The following ABCC1 variants were observed in gnomAD, a reference collection of about 807,000 sequenced individuals.
ABCC1 encodes ATP binding cassette subfamily C member 1 (ABCC1 blood group), also known as multidrug resistance-associated protein 1.
ABCC1 carries 83 observed loss-of-function variants against 172.9 expected under a neutral mutation model. The ratio of observed to expected loss-of-function variants is 0.48; its 90% CI spans 0.40 to 0.58. ABCC1 has a LOEUF of 0.58. Among genes scored for constraint, ABCC1 ranks in the 20% least tolerant of loss-of-function variants. ABCC1 has a pLI of 0.00. For synonymous variants in ABCC1, 937 were observed against 825.2 expected (o/e 1.14, Z -2.32); for missense variants, 1,817 against 2,002.7 (o/e 0.91, Z 1.77).
intron 2 of ABCC1, among the ~76,000 whole-genome samples, chr16:16,008,392 G>C (rs888893243): frequency 2.0e-5 from 3 of 151,528 alleles, no homozygotes; most frequent in African/African-American, 7.3e-5. Flanking sequence ...TTTGTAGAGA[G>C]GGGGGACTTG....
intron 16 of ABCC1, among the ~76,000 whole-genome samples, chr16:16,082,685 C>A (rs908320131): frequency 6.6e-6 from 1 of 152,188 alleles, no homozygotes; most frequent in Non-Finnish European, 1.5e-5. Flanking sequence ...GCTCTGTGGT[C>A]CAGGCTGGAG....
At chr16:16,084,127 G>A (rs749647975) in intron 17 of ABCC1, among the ~76,000 whole-genome samples, 8 of 151,880 alleles carry the variant, frequency 5.3e-5, no homozygotes, top group Non-Finnish European at 1.2e-4. Context: ...TTTTGAGATG[G>A]AGTCTTGCTC....
chr16:15,973,820 TAA>T (rs111583444), intron 1 of ABCC1, among the ~76,000 whole-genome samples: 7 of 139,118 alleles, frequency 5.0e-5, no homozygotes, highest in African/African-American at 5.3e-5. Context: ...TACACAAAAT[TAA>T]AAAAAAAAAA....
At chr16:16,139,297 A>C (rs2046037177) in intron 30 of ABCC1, among the ~76,000 whole-genome samples, 1 of 146,314 alleles carries the variant, frequency 6.8e-6, no homozygotes, top group South Asian at 2.5e-4. Flanking sequence ...GGGCCCACAA[A>C]AAGGTTTTAT....
intron 10 of ABCC1, among the ~76,000 whole-genome samples, chr16:16,048,573 C>T (rs967978707): frequency 1.3e-5 from 2 of 152,154 alleles, no homozygotes; most frequent in South Asian, 4.1e-4. Flanking sequence ...CTACAATGGA[C>T]GACACATCAT....
chr16:15,968,310 C>T (rs182936056), intron 1 of ABCC1, among the ~76,000 whole-genome samples: 11 of 151,402 alleles, frequency 7.3e-5, no homozygotes, highest in East Asian at 3.9e-4. Flanking sequence ...CTGGGATTAC[C>T]GGGGTGAGCC....
chr16:16,117,359 G>A (rs2044935193), intron 23 of ABCC1, among the ~76,000 whole-genome samples: 1 of 152,108 alleles, frequency 6.6e-6, no homozygotes. Flanking sequence ...AGGGTTGGGG[G>A]AAACTGCCCC....
intron 1 of ABCC1, among the ~76,000 whole-genome samples, chr16:16,006,924 A>T (rs1249114954): frequency 6.7e-6 from 1 of 148,928 alleles, no homozygotes; most frequent in African/African-American, 2.5e-5. Context: ...GATGGTGGTG[A>T]TGGTGGTGAT....
At chr16:16,047,168 G>A (rs1204621373) in intron 9 of ABCC1, among the ~76,000 whole-genome samples, 1 of 151,986 alleles carries the variant, frequency 6.6e-6, no homozygotes, top group African/African-American at 2.4e-5. Flanking sequence ...CCTGCATTCC[G>A]GCCTGTGTGA....
intron 1 of ABCC1, among the ~76,000 whole-genome samples, chr16:15,967,595 A>T (rs561437168): frequency 1.3e-3 from 187 of 148,326 alleles, no homozygotes; most frequent in African/African-American, 3.7e-3. Flanking sequence ...TAATAATAAT[A>T]ATTATTATTA....
At chr16:15,989,242 A>G (rs1335076589) in intron 1 of ABCC1, among the ~76,000 whole-genome samples, 1 of 151,926 alleles carries the variant, frequency 6.6e-6, no homozygotes, top group East Asian at 1.9e-4. Context: ...ACTGGGCTTT[A>G]TTCTTAGCTC....
At chr16:15,975,805 C>G (rs565656228) in intron 1 of ABCC1, among the ~76,000 whole-genome samples, 2 of 152,030 alleles carry the variant, frequency 1.3e-5, no homozygotes, top group African/African-American at 4.8e-5. Flanking sequence ...ATCTGCCCGC[C>G]TCAGCCTCCC....
intron 1 of ABCC1, among the ~76,000 whole-genome samples, chr16:15,966,651 C>CTCT (rs1567277271): frequency 7.2e-6 from 1 of 138,654 alleles, no homozygotes; most frequent in Admixed American, 7.3e-5. Context: ...TTCTCTCTCT[C>CTCT]TTTTTTTTTT....
In ABCC1 at chr16:15,997,339, C is replaced by A. The variant is rs141876815; in HGVS notation, c.49-10477C>A. Among the ~76,000 whole-genome samples the A allele has an allele frequency of 3.3e-3, 500 of 152,272 alleles. 4 individuals are homozygous for A. Among genetic ancestry groups the A allele is most frequent in the African/African-American group, 0.01 (422 of 41,558 alleles). On this transcript the variant is annotated intron_variant, in intron 1 of 30. Coordinates refer to ENST00000399410, the MANE Select transcript of ABCC1 (RefSeq NM_004996.4). ...ATCTCCTGACCTCGTGATCCACCTG[C>A]CTTGGCCTCTGAAAGTGCTAGGATT...
intron 11 of ABCC1, among the ~76,000 whole-genome samples, chr16:16,054,284 GT>G: frequency 6.6e-6 from 1 of 152,016 alleles, no homozygotes; most frequent in Non-Finnish European, 1.5e-5. Flanking sequence ...CATTATATAT[GT>G]TTTGTGTGTG....
chr16:16,006,498 A>T (rs2047536488), intron 1 of ABCC1, among the ~76,000 whole-genome samples: 2 of 151,986 alleles, frequency 1.3e-5, no homozygotes, highest in South Asian at 4.1e-4. Flanking sequence ...GGGCAGGTAC[A>T]TCTGATCTAT....
intron 1 of ABCC1, among the ~76,000 whole-genome samples, chr16:15,954,555 C>T (rs1252612315): frequency 1.0e-5 from 1 of 95,580 alleles, no homozygotes. Context: ...GAGGCCTGGG[C>T]AGGAGTGGAC....
At chr16:16,054,519 C>T (rs1327630220) in intron 11 of ABCC1, among the ~76,000 whole-genome samples, 1 of 151,646 alleles carries the variant, frequency 6.6e-6, no homozygotes, top group Non-Finnish European at 1.5e-5. Flanking sequence ...CAAATGGGAG[C>T]ACTAGGCTGC....
chr16:16,074,947 C>CT (rs71137910), intron 14 of ABCC1, among the ~76,000 whole-genome samples: 38 of 129,188 alleles, frequency 2.9e-4, no homozygotes, highest in East Asian at 1.8e-3. Flanking sequence ...TTTTCTTTTT[C>CT]TTTTTTTTTT....
Sources: allele counts gnomAD v4.1 joint callset (sites outside exome capture counted in the v4.1 genomes callset), GRCh38; gene constraint gnomAD v4.1.1; transcripts MANE v1.5; gene names NCBI Gene and HGNC (gene_info 2026-07-23, HGNC 2026-07-21).